The following ECPAS variants were observed in gnomAD, a reference collection of about 807,000 sequenced individuals.
The protein encoded by ECPAS is proteasome adapter and scaffold protein ECM29.
A neutral mutation model predicts 255.1 loss-of-function variants in ECPAS; 70 were observed. That is an observed-to-expected ratio of 0.27 (90% CI 0.23 to 0.33). ECPAS has a LOEUF of 0.33. Ranked by LOEUF, ECPAS falls within the 10% of genes least tolerant of loss-of-function variation. The pLI is 1.00. For missense variants in ECPAS, 1,817 were observed against 2,206.4 expected, an observed-to-expected ratio of 0.82 and a Z score of 3.54; for synonymous variants, 784 against 775.0, an observed-to-expected ratio of 1.01 and a Z score of -0.19.
At position 111,416,323 on chromosome 9, in the gene ECPAS, C is replaced by T. The variant is rs2098203472; in HGVS notation, c.1713G>A (p.Lys571=). The T allele has an allele frequency of 6.2e-7, 1 of 1,613,596 alleles. No individual in the cohort carries two copies. The highest frequency in any genetic ancestry group is 1.1e-5 in the South Asian group (1 of 91,068). Residue 571 remains lysine (K), a synonymous_variant, in exon 18 of 50, where the codon AAG becomes AAA. Transcript: ENST00000684092. ...KASHRMKTPV[K]YMTGTTVLPF... is the part of the protein sequence containing the mutation. ...GAAGGACAGTGGTCCCGGTCATGTA[C>T]TTGACTGGAGTTTTCATTCGATGAG... is the stretch of plus-strand genomic sequence containing the variant.
At chr9:111,391,879 C>A in intron 28 of ECPAS, 55 bp from the exon 29 acceptor site, 2 of 1,061,246 alleles carry the variant, frequency 1.9e-6, no homozygotes, top group Non-Finnish European at 2.9e-6. Flanking sequence ...CAACATTCAA[C>A]TAGCCAATAC....
chr9:111,454,750 C>T (rs1310408303), intron 2 of ECPAS, among the ~76,000 whole-genome samples: 1 of 151,570 alleles, frequency 6.6e-6, no homozygotes, highest in African/African-American at 2.4e-5. Context: ...TTGCTGACAC[C>T]CAGGCTAGAG....
rs369354231 is a variant in ECPAS, at chr9:111,397,160, C to G, written c.2653-7G>C. The G allele has an allele frequency of 1.9e-6, 3 of 1,612,966 alleles. No individual in the cohort carries two copies. The highest frequency in any genetic ancestry group is 1.7e-6 in the Non-Finnish European group (2 of 1,179,384). Reference sequence around the variant, plus strand: ...GAAGTTCTATCTGCTTGGCCTGCAACGAAGGAAGTAAAAACCATGAATGAG... The same window carrying G: ...GAAGTTCTATCTGCTTGGCCTGCAAGGAAGGAAGTAAAAACCATGAATGAG... On this transcript the variant is annotated splice_region_variant and splice_polypyrimidine_tract_variant and intron_variant, in intron 24 of 49. Coordinates refer to ENST00000684092, the MANE Select transcript of ECPAS (RefSeq NM_001364929.1).
chr9:111,411,408 G>A (rs551083044), intron 21 of ECPAS, among the ~76,000 whole-genome samples: 1 of 152,220 alleles, frequency 6.6e-6, no homozygotes, highest in South Asian at 2.1e-4. Flanking sequence ...CTCCAATTCC[G>A]GGTGAGATGA....
intron 45 of ECPAS, among the ~76,000 whole-genome samples, chr9:111,369,617 G>A (rs1308345755): frequency 6.6e-6 from 1 of 152,130 alleles, no homozygotes; most frequent in Admixed American, 6.5e-5. Flanking sequence ...GTTTGTAATG[G>A]AAATTATTTA....
intron 2 of ECPAS, among the ~76,000 whole-genome samples, chr9:111,455,162 T>C (rs1205280152): frequency 6.6e-6 from 1 of 152,138 alleles, no homozygotes; most frequent in Non-Finnish European, 1.5e-5. Context: ...GAGAAGAGTT[T>C]ACACAGACCC....
At chr9:111,439,292 A>G (rs1226366061) in intron 6 of ECPAS, among the ~76,000 whole-genome samples, 2 of 151,940 alleles carry the variant, frequency 1.3e-5, no homozygotes, top group South Asian at 2.1e-4. Context: ...TTTTTGAGAC[A>G]GGGTATTTGT....
chr9:111,417,239 C>CA (rs1002387420), intron 17 of ECPAS, among the ~76,000 whole-genome samples: 12 of 143,480 alleles, frequency 8.4e-5, no homozygotes, highest in South Asian at 2.2e-4. Context: ...GACCCTGTCT[C>CA]AAAAAAAAAT....
chr9:111,421,551 CT>C (rs2098213937), intron 15 of ECPAS, among the ~76,000 whole-genome samples: 1 of 152,002 alleles, frequency 6.6e-6, no homozygotes, highest in African/African-American at 2.4e-5. Context: ...TAAAGACTCA[CT>C]TTGACATATG....
chr9:111,388,010 C>T (rs1282677925), intron 31 of ECPAS, among the ~76,000 whole-genome samples: 4 of 152,168 alleles, frequency 2.6e-5, no homozygotes, highest in Non-Finnish European at 1.5e-5. Flanking sequence ...ATGAGTTTTA[C>T]TTTTTAAGCC....
chr9:111,437,005 T>C lies in ECPAS; in HGVS notation c.643A>G (p.Met215Val), dbSNP rs562094795. The change falls in exon 7 of 50, where the codon ATG (methionine) becomes GTG (valine). Residue 215 changes from methionine to valine, a missense_variant. By Grantham distance (21) the Met-to-Val change is conservative. Around this residue, in one of 4 missense-constraint regions of ECPAS, gnomAD observed 573 missense variants for 716.2 expected, o/e 0.80. Coordinates refer to ENST00000684092, the MANE Select transcript of ECPAS (RefSeq NM_001364929.1). ...ACTCGTTTGGCTGCATAAAAGCTCA[T>C]TCCCGGAGGAGGCTGTGGGATTCCA... Reference protein sequence around the residue: ...GSGIPQPPPGMSFYAAKRVIG... With the variant: ...GSGIPQPPPGVSFYAAKRVIG... The C allele has an allele frequency of 3.0e-5, 48 of 1,613,244 alleles. No homozygotes were observed. In the East Asian group the frequency reaches 9.8e-4, roughly 33 times the overall value.
Position 111,370,818 on chromosome 9 carries a change from A to T in ECPAS, c.4738-53T>A, listed in dbSNP as rs1589112433. ...TATTAAGCCCAAACATGTCATTTAC[A>T]CTGTCTAAACCATGATTACAATTAC... On this transcript the variant is annotated intron_variant, in intron 43 of 49. Transcript: ENST00000684092. 9.4e-6 allele frequency: 14 copies of T among 1,487,176 alleles called. No individual in the cohort carries two copies. In the East Asian group the frequency reaches 3.4e-4, roughly 36 times the overall value. 92.1% of individuals were successfully genotyped at this position (1,487,176 alleles called of 1,614,324 possible). A position where few individuals can be genotyped will look rare whatever the true frequency, so the allele number is the denominator to read the frequency against.
chr9:111,379,551 G>C (rs2098137956), intron 35 of ECPAS, among the ~76,000 whole-genome samples: 1 of 152,148 alleles, frequency 6.6e-6, no homozygotes, highest in Non-Finnish European at 1.5e-5. Context: ...CTTAAAATAA[G>C]TCAACAATGA....
chr9:111,464,400 A>C (rs1589229922), intron 2 of ECPAS, among the ~76,000 whole-genome samples: 1 of 151,440 alleles, frequency 6.6e-6, no homozygotes, highest in Admixed American at 6.6e-5. Flanking sequence ...CCTGCACTCC[A>C]GCATGGGCAA....
rs1200768239 is a variant in ECPAS, at chr9:111,376,537, G to A, written c.3959C>T (p.Ala1320Val). ...AGCACTAAGCCGAGCACTATCCATC[G>A]CAGCCTAAAGAAGAGAAATTAAAGT... ...SLRATEQEKAAMDSARLSAAK... is the reference protein window; with the variant it reads ...SLRATEQEKAVMDSARLSAAK... Residue 1320 changes from alanine to valine, a missense_variant, in exon 37 of 50, where the codon GCG becomes GTG. Physicochemically the swap from Ala to Val is moderately conservative, Grantham distance 64. Around this residue, in one of 4 missense-constraint regions of ECPAS, gnomAD observed 960 missense variants for 1,179.0 expected, o/e 0.81. Transcript: ENST00000684092. 14 of 1,594,184 alleles carry A rather than the reference G, an allele frequency of 8.8e-6. No homozygotes were observed. The highest frequency in any genetic ancestry group is 3.4e-5 in the South Asian group (3 of 87,318).
At chr9:111,398,911 TG>T (rs1408313495) in intron 24 of ECPAS, among the ~76,000 whole-genome samples, 2 of 151,844 alleles carry the variant, frequency 1.3e-5, no homozygotes, top group African/African-American at 4.8e-5. Context: ...CACTCCAGCC[TG>T]GGCAACAGAG....
At chr9:111,368,853 C>T (rs545858851) in intron 46 of ECPAS, among the ~76,000 whole-genome samples, 182 bp downstream of exon 46, 1 of 152,212 alleles carries the variant, frequency 6.6e-6, no homozygotes, top group Non-Finnish European at 1.5e-5. Context: ...CTAGCTACAG[C>T]GGTACAATGA....
At position 111,386,448 on chromosome 9, in the gene ECPAS, T is replaced by C; in HGVS notation, c.3456A>G (p.Lys1152=). 2 of 1,568,252 alleles carry C rather than the reference T, an allele frequency of 1.3e-6. No homozygotes were observed. Among genetic ancestry groups the C allele is most frequent in the South Asian group, 2.3e-5 (2 of 87,910 alleles). Residue 1152 remains lysine (K), a synonymous_variant, in exon 32 of 50, where the codon AAA becomes AAG. Coordinates refer to ENST00000684092, the MANE Select transcript of ECPAS (RefSeq NM_001364929.1). The part of the protein sequence containing the change: ...ALVTDKSMVD[K]YLKEILQDLV... ...AATCTTGAAGAATTTCTTTCAAATA[T>C]TTATCCACCTAATGAAAGCAAAAGG...
chr9:111,380,574 A>C (rs1358977807), intron 35 of ECPAS, among the ~76,000 whole-genome samples: 1 of 152,232 alleles, frequency 6.6e-6, no homozygotes, highest in Non-Finnish European at 1.5e-5. Context: ...CTAACAAGAC[A>C]GTCAGCCTGG....
Sources: allele counts gnomAD v4.1 joint callset (sites outside exome capture counted in the v4.1 genomes callset), GRCh38; gene constraint gnomAD v4.1.1; regional missense constraint gnomAD v4.1.1; transcripts MANE v1.5; gene names NCBI Gene and HGNC (gene_info 2026-07-23, HGNC 2026-07-21).